NEK4: variants seen among roughly 807,000 people sequenced by gnomAD.
The protein encoded by NEK4 is NIMA related kinase 4.
NEK4 carries 86 observed loss-of-function variants against 98.4 expected under a neutral mutation model. That is an observed-to-expected ratio of 0.87 (90% CI 0.73 to 1.05). NEK4 has a LOEUF of 1.05. Among genes scored for constraint, NEK4 ranks in the 50% least tolerant of loss-of-function variants. NEK4 has a pLI of 0.00. For synonymous variants in NEK4, 328 were observed against 342.2 expected, an observed-to-expected ratio of 0.96 and a Z score of 0.46; for missense variants, 898 against 950.3, an observed-to-expected ratio of 0.94 and a Z score of 0.72.
At chr3:52,737,850 G>T in intron 14 of NEK4, 131 bp from the exon 15 acceptor site, 2 of 678,114 alleles carry the variant, frequency 2.9e-6, no homozygotes, top group South Asian at 3.2e-5. Flanking sequence ...GTCTTGCTCT[G>T]TCGCCCAGGC....
At position 52,746,549 on chromosome 3, in the gene NEK4, T is replaced by A. The variant is rs191198473; in HGVS notation, c.1677+185A>T. Among the ~76,000 whole-genome samples, 832 of 152,360 alleles carry A rather than the reference T, an allele frequency of 5.5e-3. 13 individuals are homozygous for A. The South Asian group carries it at 0.067, about 12-fold the overall frequency. ...ATCTGTCCATCTTTGCTGGAGAAGA[T>A]AAAATCCTTACTCTGCTTCGAACTC... On this transcript the variant is annotated intron_variant, in intron 9 of 15. Coordinates refer to ENST00000233027, the MANE Select transcript of NEK4 (RefSeq NM_003157.6).
chr3:52,764,778 G>GCACACACACACACA lies in NEK4; in HGVS notation c.666+1095_666+1108dup, dbSNP rs56827006. Among the ~76,000 whole-genome samples, 1,253 of 145,096 alleles carry GCACACACACACACA rather than the reference G, an allele frequency of 8.6e-3. 27 individuals carry two copies. Among genetic ancestry groups the GCACACACACACACA allele is most frequent in the African/African-American group, 0.031 (1,153 of 36,692 alleles). On this transcript the variant is annotated intron_variant, in intron 4 of 15. Transcript: ENST00000233027. ...CGTGCGCATGCACACACACACACAT[G>GCACACACACACACA]CACACACACACACACACACACACAC...
At chr3:52,733,662 T>A (rs2097372135) in intron 15 of NEK4, 5 of 472,782 alleles carry the variant, frequency 1.1e-5, no homozygotes, top group South Asian at 7.8e-5. Context: ...CATCTTCTAA[T>A]CCATACTGGA....
intron 12 of NEK4, 65 bp from the exon 13 acceptor site, chr3:52,741,564 C>T: frequency 1.0e-6 from 1 of 996,138 alleles, no homozygotes; most frequent in Non-Finnish European, 1.6e-6. Flanking sequence ...ATACTTGAAC[C>T]AGTCTTAGAT....
chr3:52,730,150 G>A (rs1382606804), intron 15 of NEK4, among the ~76,000 whole-genome samples: 1 of 152,098 alleles, frequency 6.6e-6, no homozygotes, highest in Non-Finnish European at 1.5e-5. Flanking sequence ...AGAGAACTAT[G>A]AACAATTGTA....
chr3:52,748,136 T>G (rs994278667), intron 8 of NEK4, among the ~76,000 whole-genome samples: 2 of 151,002 alleles, frequency 1.3e-5, no homozygotes, highest in Non-Finnish European at 3.0e-5. Flanking sequence ...ATTTTTTTTT[T>G]TTTTGTATTT....
At chr3:52,758,445 T>A (rs1290954915) in intron 6 of NEK4, among the ~76,000 whole-genome samples, 1 of 151,924 alleles carries the variant, frequency 6.6e-6, no homozygotes, top group Non-Finnish European at 1.5e-5. Flanking sequence ...AAACTAAAAA[T>A]TCGATCGACA....
chr3:52,737,453 G>A (rs1003006387), intron 15 of NEK4, 133 bp downstream of exon 15: 58 of 920,134 alleles, frequency 6.3e-5, no homozygotes, highest in Non-Finnish European at 9.3e-5. Context: ...ACTGTACAAT[G>A]TTGTAAACAC....
intron 4 of NEK4, among the ~76,000 whole-genome samples, chr3:52,764,214 G>C (rs1434839320): frequency 6.6e-6 from 1 of 151,484 alleles, no homozygotes; most frequent in Non-Finnish European, 1.5e-5. Flanking sequence ...TTGAACCAGA[G>C]AGGTGGAGGT....
rs1299991046 is a variant in NEK4 at position 52,770,897 on chromosome 3, G to T, written c.-151C>A. 9.3e-6 allele frequency: 6 copies of T among 643,486 alleles called. No individual in the cohort carries two copies. Among genetic ancestry groups the T allele is most frequent in the Non-Finnish European group, 1.6e-5 (6 of 375,192 alleles). 39.9% of individuals were successfully genotyped at this position (643,486 alleles called of 1,614,324 possible). On this transcript the variant is annotated 5_prime_UTR_variant, in exon 1 of 16. Transcript: ENST00000233027. ...GGGCGGGATTGCTGGGGCCCGGCCC[G>T]CGACGACGCCGCTGCCATAGCGATC...
rs1292848257 is a variant in NEK4 at position 52,739,408 on chromosome 3, AAAT to A, written c.2299+18_2299+20del. On this transcript the variant is annotated intron_variant, in intron 14 of 15. Transcript: ENST00000233027. The stretch of plus-strand genomic sequence containing the variant: ...AGTGAGACTCCGTCTAAAAAACAAA[AAAT>A]AATAATAAGCTGATCACCTGAAGGT... The A allele has an allele frequency of 1.9e-6, 3 of 1,608,820 alleles. No homozygotes were observed. Among genetic ancestry groups the A allele is most frequent in the Admixed American group, 1.7e-5 (1 of 59,944 alleles).
chr3:52,756,376 G>A (rs1324625861), intron 6 of NEK4, among the ~76,000 whole-genome samples: 1 of 152,162 alleles, frequency 6.6e-6, no homozygotes, highest in Non-Finnish European at 1.5e-5. Flanking sequence ...TCAAAACAGT[G>A]TAGTATTAGT....
At chr3:52,723,896 G>T (rs2097362264) in intron 15 of NEK4, among the ~76,000 whole-genome samples, 1 of 152,132 alleles carries the variant, frequency 6.6e-6, no homozygotes, top group Non-Finnish European at 1.5e-5. Flanking sequence ...CTCCAAGTAG[G>T]ATGAACTCAA....
rs2154105549 is a variant in NEK4, at chr3:52,754,137, G to A, written c.964-1801C>T. On this transcript the variant is annotated intron_variant, in intron 6 of 15. Transcript: ENST00000233027. ...AGATCGCACCACTGCACTCTAGCCTGGGAAACAGAGCGAGACTCCGTCTCA... is the reference window on the plus strand; with the variant it reads ...AGATCGCACCACTGCACTCTAGCCTAGGAAACAGAGCGAGACTCCGTCTCA... 6 of 262,704 alleles carry A rather than the reference G, an allele frequency of 2.3e-5. No individual in the cohort carries two copies. The South Asian group carries it at 2.7e-4, about 12-fold the overall frequency. The allele number at this position is 262,704 out of a possible 1,614,324, so 16.3% of individuals were successfully genotyped here. A position where few individuals can be genotyped will look rare whatever the true frequency, so the allele number is the denominator to read the frequency against.
chr3:52,737,513 G>A lies in NEK4; in HGVS notation c.2433+73C>T, dbSNP rs182197885. 1,775 of 1,490,746 alleles carry A rather than the reference G, an allele frequency of 1.2e-3. 4 individuals carry two copies. Among genetic ancestry groups the A allele is most frequent in the Non-Finnish European group, 1.4e-3 (1,536 of 1,069,150 alleles). 92.3% of individuals were successfully genotyped at this position (1,490,746 alleles called of 1,614,324 possible). ...TTTAGATGAGTGAATTGTTATGTGT[G>A]ATTTATATTTCAAAAGGTTGTTTAA... is the stretch of plus-strand genomic sequence containing the variant. On this transcript the variant is annotated intron_variant, in intron 15 of 15. Transcript: ENST00000233027.
chr3:52,715,882 G>A (rs1447039358), intron 15 of NEK4, among the ~76,000 whole-genome samples: 1 of 152,222 alleles, frequency 6.6e-6, no homozygotes. Flanking sequence ...AAGAGCTGTG[G>A]CCCTTCAAGG....
intron 6 of NEK4, chr3:52,754,094 AG>A: frequency 4.0e-6 from 1 of 247,900 alleles, no homozygotes; most frequent in South Asian, 5.0e-5. Flanking sequence ...CCCAGGAGGC[AG>A]AGGTTGCGGT....
rs1698740971 is a variant in NEK4 at position 52,770,576 on chromosome 3, C to T, written c.93+78G>A. The T allele has an allele frequency of 3.5e-6, 4 of 1,140,166 alleles. No homozygotes were observed. In the South Asian group the frequency reaches 4.0e-5, roughly 11 times the overall value. 70.6% of individuals were successfully genotyped at this position (1,140,166 alleles called of 1,614,324 possible). A position where few individuals can be genotyped will look rare whatever the true frequency, so the allele number is the denominator to read the frequency against. ...CGAGATGAGCCTCTTGCGACCACCCCCGACCTAATCTACCGGTCGGCGCCC... is the reference window on the plus strand; with the variant it reads ...CGAGATGAGCCTCTTGCGACCACCCTCGACCTAATCTACCGGTCGGCGCCC... On this transcript the variant is annotated intron_variant, in intron 1 of 15. Transcript: ENST00000233027.
At chr3:52,716,183 T>C (rs60770874) in intron 15 of NEK4, among the ~76,000 whole-genome samples, 16,984 of 152,168 alleles carry the variant, frequency 0.11, 2,500 homozygotes, top group African/African-American at 0.34. Flanking sequence ...AGGCATGGGA[T>C]ACAGGTTGGT....
Sources: gnomAD v4.1 joint callset for allele counts (sites outside exome capture counted in the v4.1 genomes callset) on GRCh38, gnomAD v4.1.1 for gene constraint, MANE v1.5 for transcripts, NCBI Gene and HGNC (gene_info 2026-07-23, HGNC 2026-07-21) for gene names.